Variants in TDRD3 observed in about 807,000 individuals in gnomAD.
TDRD3 encodes the protein tudor domain-containing protein 3.
A neutral mutation model predicts 86.7 loss-of-function variants in TDRD3; 45 were observed. That is an observed-to-expected ratio of 0.52 (90% CI 0.41 to 0.67). The LOEUF is 0.67. Ranked by LOEUF, TDRD3 falls within the 30% of genes least tolerant of loss-of-function variation. The probability of loss-of-function intolerance (pLI) is 0.00; values close to 1 mark genes in which losing one functional copy is unlikely to be tolerated. For synonymous variants in TDRD3, 298 were observed against 301.7 expected, an observed-to-expected ratio of 0.99 and a Z score of 0.13; for missense variants, 814 against 889.0, an observed-to-expected ratio of 0.92 and a Z score of 1.07.
chr13:60,461,151 T>A (rs1955794473), intron 4 of TDRD3: 1 of 152,192 alleles, frequency 6.6e-6, no homozygotes, highest in Non-Finnish European at 1.5e-5. Flanking sequence ...ACAGAATTTT[T>A]AAAAATACGG....
At chr13:60,488,932 T>A (rs1956515840) in intron 7 of TDRD3, among the ~76,000 whole-genome samples, 1 of 152,172 alleles carries the variant, frequency 6.6e-6, no homozygotes, top group Non-Finnish European at 1.5e-5. Flanking sequence ...ATTGTTATGT[T>A]CCTTATATAT....
chr13:60,465,172 G>T (rs1955891160), intron 4 of TDRD3, among the ~76,000 whole-genome samples: 1 of 152,126 alleles, frequency 6.6e-6, no homozygotes, highest in South Asian at 2.1e-4. Context: ...TGAAATTGTA[G>T]GTCCAGCTTC....
intron 1 of TDRD3, among the ~76,000 whole-genome samples, chr13:60,423,381 G>A (rs541242204): frequency 3.5e-4 from 54 of 152,244 alleles, no homozygotes; most frequent in African/African-American, 1.2e-3. Context: ...ATAGATTTAA[G>A]TGGACAAAAT....
chr13:60,521,770 G>A (rs950451161), intron 10 of TDRD3, among the ~76,000 whole-genome samples: 1 of 152,118 alleles, frequency 6.6e-6, no homozygotes, highest in African/African-American at 2.4e-5. Flanking sequence ...GGCAGCACAT[G>A]CCTGTAATCC....
At chr13:60,493,817 A>G (rs933432351) in intron 7 of TDRD3, among the ~76,000 whole-genome samples, 5 of 152,364 alleles carry the variant, frequency 3.3e-5, no homozygotes, top group African/African-American at 1.2e-4. Flanking sequence ...AAAAACAAAT[A>G]TAAGATAAAA....
rs1354534241 is a variant in TDRD3, at chr13:60,460,510, C to G, written c.323C>G (p.Ala108Gly). ...QMTDGHISCT[A>G]VEFSYMSKIS... is the part of the protein sequence containing the mutation. ...ACTGATGGTCATATAAGTTGCACAG[C>G]AGTAGAATTTAGTTATATGTCAAAA... The change falls in exon 4 of 14, where the codon GCA (alanine) becomes GGA (glycine). Residue 108 changes from alanine to glycine, a missense_variant. By Grantham distance (60) the Ala-to-Gly change is moderately conservative. Transcript: ENST00000377881. The G allele has an allele frequency of 1.3e-6, 2 of 1,566,040 alleles. No homozygotes were observed. Among genetic ancestry groups the G allele is most frequent in the Non-Finnish European group, 1.7e-6 (2 of 1,165,752 alleles).
At chr13:60,560,967 TG>T (rs1388886106) in intron 12 of TDRD3, among the ~76,000 whole-genome samples, 10 of 152,300 alleles carry the variant, frequency 6.6e-5, no homozygotes, top group African/African-American at 2.4e-4. Flanking sequence ...TAAAATGTTT[TG>T]TTTAAATAAA....
At chr13:60,553,766 G>T (rs1206710366) in intron 12 of TDRD3, among the ~76,000 whole-genome samples, 1 of 152,016 alleles carries the variant, frequency 6.6e-6, no homozygotes, top group African/African-American at 2.4e-5. Flanking sequence ...CCGACCCCAT[G>T]ATCCAATCAC....
intron 12 of TDRD3, among the ~76,000 whole-genome samples, chr13:60,542,567 C>T (rs1004156041): frequency 2.0e-5 from 3 of 152,146 alleles, no homozygotes; most frequent in African/African-American, 4.8e-5. Flanking sequence ...GATGGAACTC[C>T]CTCAGTGCAG....
At chr13:60,566,805 T>A (rs186794692) in intron 12 of TDRD3, among the ~76,000 whole-genome samples, 9 of 152,318 alleles carry the variant, frequency 5.9e-5, no homozygotes, top group African/African-American at 1.9e-4. Context: ...CTATACTCTT[T>A]ATGCTATTTA....
At chr13:60,484,767 C>G in intron 6 of TDRD3, 1 of 437,816 alleles carries the variant, frequency 2.3e-6, no homozygotes, top group Non-Finnish European at 4.6e-6. Context: ...GGTTGGTATT[C>G]TCCCAGTGTA....
chr13:60,559,738 G>A (rs1958288415), intron 12 of TDRD3, among the ~76,000 whole-genome samples: 1 of 152,172 alleles, frequency 6.6e-6, no homozygotes, highest in Non-Finnish European at 1.5e-5. Context: ...AGCAGAGGGT[G>A]AGGGAAATGA....
intron 12 of TDRD3, among the ~76,000 whole-genome samples, chr13:60,546,507 T>C (rs1391610061): frequency 6.6e-6 from 1 of 152,072 alleles, no homozygotes; most frequent in African/African-American, 2.4e-5. Flanking sequence ...ATAAAAAATA[T>C]ATATCTCAAG....
chr13:60,480,755 T>C (rs1197353108), intron 5 of TDRD3, among the ~76,000 whole-genome samples: 1 of 151,686 alleles, frequency 6.6e-6, no homozygotes, highest in African/African-American at 2.4e-5. Context: ...GTGCTGCAAG[T>C]GGGAGTGCTC....
At chr13:60,452,536 C>T (rs575146687) in intron 3 of TDRD3, among the ~76,000 whole-genome samples, 1 of 151,966 alleles carries the variant, frequency 6.6e-6, no homozygotes, top group African/African-American at 2.4e-5. Flanking sequence ...TGGTATTTCA[C>T]GTGAATGGAA....
intron 12 of TDRD3, among the ~76,000 whole-genome samples, chr13:60,551,949 C>T (rs79420493): frequency 0.055 from 8,352 of 152,176 alleles, 305 homozygotes; most frequent in Middle Eastern, 0.085. Flanking sequence ...AGTCATGTCC[C>T]GCCAGGTCTC....
Position 60,490,394 on chromosome 13 carries a change from G to A in TDRD3, c.718-4041G>A, listed in dbSNP as rs559962355. 4.9e-4 allele frequency among the ~76,000 whole-genome samples: 74 copies of A among 152,276 alleles called. 2 individuals carry two copies. Among genetic ancestry groups the A allele is most frequent in the African/African-American group, 1.8e-3 (73 of 41,558 alleles). ...CCATGGCAAAGGCTCTAAAGCAGGA[G>A]CACAGAGAAACAGCGGAGTGGCCAG... On this transcript the variant is annotated intron_variant, in intron 7 of 13. Coordinates refer to ENST00000377881, the MANE Select transcript of TDRD3 (RefSeq NM_001146070.2).
intron 4 of TDRD3, among the ~76,000 whole-genome samples, chr13:60,461,214 T>A (rs1270118280): frequency 7.2e-5 from 11 of 152,182 alleles, no homozygotes; most frequent in African/African-American, 2.7e-4. Flanking sequence ...TTCATCACAC[T>A]GTTTAATGTT....
chr13:60,522,952 G>A (rs1957322809), intron 10 of TDRD3, among the ~76,000 whole-genome samples: 1 of 152,138 alleles, frequency 6.6e-6, no homozygotes, highest in Admixed American at 6.6e-5. Context: ...TTAGATTTCA[G>A]TTTAATTCTG....
Sources: gnomAD v4.1 joint callset for allele counts (sites outside exome capture counted in the v4.1 genomes callset) on GRCh38, gnomAD v4.1.1 for gene constraint, MANE v1.5 for transcripts, NCBI Gene and HGNC (gene_info 2026-07-23, HGNC 2026-07-21) for gene names.